The following ZZEF1 variants were observed in gnomAD, a reference collection of about 807,000 sequenced individuals.
ZZEF1 encodes zinc finger ZZ-type and EF-hand domain containing 1, also known as zinc finger ZZ-type and EF-hand domain-containing protein 1.
ZZEF1 carries 157 observed loss-of-function variants against 342.8 expected under a neutral mutation model. The observed-to-expected ratio is 0.46, with a 90% CI of 0.40 to 0.52. ZZEF1 has a LOEUF of 0.52. ZZEF1 is among the 20% of genes least tolerant of loss of function. ZZEF1 has a pLI of 0.00. For synonymous variants in ZZEF1, 1,505 were observed against 1,429.1 expected (o/e 1.05, Z -1.20); for missense variants, 3,480 against 3,725.6 (o/e 0.93, Z 1.72).
chr17:4,072,681 A>C lies in ZZEF1; in HGVS notation c.3761T>G (p.Phe1254Cys). The change falls in exon 25 of 55, where the codon TTC becomes TGC. Residue 1254 changes from phenylalanine to cysteine, a missense_variant. Phe to Cys is a radical substitution (Grantham distance 205). Coordinates refer to ENST00000381638, the MANE Select transcript of ZZEF1 (RefSeq NM_015113.4). ...VLSSPLWKPVFRHQVCPELEL... is the reference protein window; with the variant it reads ...VLSSPLWKPVCRHQVCPELEL... The stretch of plus-strand genomic sequence containing the variant: ...CAACTCTGGACAAACCTGATGCCTG[A>C]AGACAGGTTTCCACAGTGGGGAGCT... 6.2e-7 allele frequency: 1 copy of C among 1,614,150 alleles called. No individual in the cohort carries two copies.
At chr17:4,037,951 A>G (rs566157971) in intron 39 of ZZEF1, among the ~76,000 whole-genome samples, 27 of 152,314 alleles carry the variant, frequency 1.8e-4, no homozygotes, top group African/African-American at 6.3e-4. Context: ...TTGAGTAGGG[A>G]GTAAGCATTA....
Position 4,082,449 on chromosome 17 carries a change from C to A in ZZEF1, c.2702G>T (p.Cys901Phe). The A allele has an allele frequency of 6.2e-7, 1 of 1,614,098 alleles. No individual in the cohort carries two copies. The highest frequency in any genetic ancestry group is 8.5e-7 in the Non-Finnish European group (1 of 1,179,970). ...ACGATCAGCTTACCTAAAATACGTGCACAGTGAACGGAAAGTGAGCTGCAG... is the reference window on the plus strand; with the variant it reads ...ACGATCAGCTTACCTAAAATACGTGAACAGTGAACGGAAAGTGAGCTGCAG... ...QSLQLTFRSLCTYFSDKDPGG... is the reference protein window; with the variant it reads ...QSLQLTFRSLFTYFSDKDPGG... Residue 901 changes from cysteine to phenylalanine, a missense_variant, in exon 17 of 55, where the codon TGC becomes TTC. Physicochemically the swap from Cys to Phe is radical, Grantham distance 205 (BLOSUM62 -2). Transcript: ENST00000381638.
chr17:4,063,972 C>T (rs1597835185), intron 29 of ZZEF1, among the ~76,000 whole-genome samples: 2 of 152,204 alleles, frequency 1.3e-5, no homozygotes, highest in South Asian at 4.1e-4. Flanking sequence ...GGGTGATCCA[C>T]CTGCCTCAGC....
intron 1 of ZZEF1, among the ~76,000 whole-genome samples, chr17:4,137,068 G>A (rs2058760346): frequency 1.3e-5 from 2 of 151,970 alleles, no homozygotes; most frequent in African/African-American, 4.8e-5. Flanking sequence ...AGCACTGGGA[G>A]ACAAGGGTAG....
At chr17:4,090,656 A>G in intron 12 of ZZEF1, 63 bp downstream of exon 12, 1 of 1,350,326 alleles carries the variant, frequency 7.4e-7, no homozygotes, top group South Asian at 1.2e-5. Context: ...CTGATACACA[A>G]TCACTACTCA....
intron 1 of ZZEF1, among the ~76,000 whole-genome samples, chr17:4,130,368 G>A (rs150802899): frequency 5.3e-5 from 8 of 152,110 alleles, no homozygotes; most frequent in East Asian, 1.9e-4. Context: ...CAGGAGAATC[G>A]CTTGAACCCA....
Position 4,112,795 on chromosome 17 carries a change from G to C in ZZEF1, c.880C>G (p.Pro294Ala), listed in dbSNP as rs1232388555. The C allele has an allele frequency of 6.4e-7, 1 of 1,566,754 alleles. No individual in the cohort carries two copies. The highest frequency in any genetic ancestry group is 8.7e-7 in the Non-Finnish European group (1 of 1,155,098). ...CSHWIRLKMK[P>A]DVVLRHLSIA... ...GACAGGTGCCTAAGCACAACATCTG[G>C]CTTCATTTTTAAACTGGAAAACACA... Residue 294 changes from proline to alanine, a missense_variant, in exon 5 of 55, where the codon CCA (proline) becomes GCA (alanine). Pro to Ala is a conservative substitution (Grantham distance 27). This residue lies in a region of ZZEF1 where 92 missense variants were observed against 130.3 expected (regional missense o/e 0.71). Transcript: ENST00000381638.
At chr17:4,116,566 T>G (rs1383348697) in intron 3 of ZZEF1, among the ~76,000 whole-genome samples, 2 of 152,164 alleles carry the variant, frequency 1.3e-5, no homozygotes, top group African/African-American at 4.8e-5. Flanking sequence ...AAATACTCAT[T>G]GAATACCTAC....
intron 23 of ZZEF1, among the ~76,000 whole-genome samples, 188 bp from the exon 24 acceptor site, chr17:4,074,539 A>C (rs562153042): frequency 4.6e-4 from 70 of 152,348 alleles, no homozygotes; most frequent in South Asian, 1.7e-3. Context: ...CACCCCATGA[A>C]GAAGGAGAGT....
chr17:4,036,023 C>T (rs939454836), intron 39 of ZZEF1, among the ~76,000 whole-genome samples: 8 of 140,770 alleles, frequency 5.7e-5, no homozygotes, highest in Non-Finnish European at 9.0e-5. Context: ...TCGCTTGAAC[C>T]GGGGAGGCAG....
intron 26 of ZZEF1, among the ~76,000 whole-genome samples, chr17:4,069,919 G>T (rs142175744): frequency 6.6e-6 from 1 of 152,208 alleles, no homozygotes; most frequent in Non-Finnish European, 1.5e-5. Context: ...TCCCGCCTGC[G>T]CTGCGTGGAG....
intron 42 of ZZEF1, among the ~76,000 whole-genome samples, chr17:4,028,673 T>C (rs1439653541): frequency 6.6e-6 from 1 of 151,638 alleles, no homozygotes; most frequent in African/African-American, 2.4e-5. Flanking sequence ...AGACAAGAAA[T>C]CCACTTTAAA....
In ZZEF1 at chr17:4,017,927, A is replaced by G. The variant is rs1244134893; in HGVS notation, c.7550T>C (p.Leu2517Pro). ...ELTTDERIRS[L>P]AQRWQPSKSL... ...CTTACTGGGCTGCCACCGCTGAGCC[A>G]GGGACCGTATCCTTTCATCTGTGGT... The change falls in exon 47 of 55, where the codon CTG becomes CCG. Residue 2517 changes from leucine to proline, a missense_variant. This residue lies in a region of ZZEF1 where 1,269 missense variants were observed against 1,342.4 expected (regional missense o/e 0.95). Coordinates refer to ENST00000381638, the MANE Select transcript of ZZEF1 (RefSeq NM_015113.4). The surrounding 1 kb of genome is among the most constrained non-coding windows in gnomAD (Gnocchi z 5.1). The G allele has an allele frequency of 1.9e-6, 3 of 1,614,136 alleles. No individual in the cohort carries two copies. In the South Asian group the frequency reaches 3.3e-5, roughly 18 times the overall value.
rs546268982 is a variant in ZZEF1 at position 4,010,006 on chromosome 17, G to A, written c.8580-249C>T. On this transcript the variant is annotated intron_variant, in intron 52 of 54. Coordinates refer to ENST00000381638, the MANE Select transcript of ZZEF1 (RefSeq NM_015113.4). ...AACAGGAGGTCGGAAATGTGCTCAC[G>A]GGGATTACTGTGCATCTTGAAAAAT... Among the ~76,000 whole-genome samples, 16 of 152,228 alleles carry A rather than the reference G, an allele frequency of 1.1e-4. No homozygotes were observed. In the East Asian group the frequency reaches 2.3e-3, roughly 22 times the overall value.
At chr17:4,067,309 C>A in intron 26 of ZZEF1, 67 bp from the exon 27 acceptor site, 2 of 1,313,786 alleles carry the variant, frequency 1.5e-6, no homozygotes, top group Non-Finnish European at 2.1e-6. Context: ...ACATTAAGCA[C>A]AAAAAATCTA....
chr17:4,119,624 A>G (rs1335151921), intron 2 of ZZEF1, among the ~76,000 whole-genome samples: 5 of 152,212 alleles, frequency 3.3e-5, no homozygotes, highest in Non-Finnish European at 5.9e-5. Flanking sequence ...AGCCACTCAC[A>G]TGACATGAGC....
At chr17:4,047,281 A>G (rs1377463306) in intron 37 of ZZEF1, among the ~76,000 whole-genome samples, 6 of 152,248 alleles carry the variant, frequency 3.9e-5, no homozygotes, top group South Asian at 4.1e-4. Flanking sequence ...TAATGGCAAC[A>G]TATCAAAAGA....
chr17:4,114,922 CTGAGT>C (rs1184568735), intron 3 of ZZEF1, among the ~76,000 whole-genome samples: 1 of 152,186 alleles, frequency 6.6e-6, no homozygotes, highest in Non-Finnish European at 1.5e-5. Flanking sequence ...CCATGTTCTT[CTGAGT>C]TAATTCATAC....
intron 32 of ZZEF1, among the ~76,000 whole-genome samples, chr17:4,057,153 C>A (rs1358975061): frequency 6.6e-6 from 1 of 152,212 alleles, no homozygotes; most frequent in African/African-American, 2.4e-5. Flanking sequence ...GCGCTTCCTT[C>A]CCTGAGGACT....
Sources: allele counts gnomAD v4.1 joint callset (sites outside exome capture counted in the v4.1 genomes callset), GRCh38; gene constraint gnomAD v4.1.1; regional missense constraint gnomAD v4.1.1; non-coding constraint Gnocchi (gnomAD v3.1); transcripts MANE v1.5; gene names NCBI Gene and HGNC (gene_info 2026-07-23, HGNC 2026-07-21).